The following RBFOX1 variants were observed in gnomAD, a reference collection of about 807,000 sequenced individuals.
RBFOX1 encodes the protein RNA binding protein fox-1 homolog 1.
RBFOX1 carries 8 observed loss-of-function variants against 57.7 expected under a neutral mutation model. That is an observed-to-expected ratio of 0.14 (90% CI 0.08 to 0.25). RBFOX1 has a LOEUF of 0.25. Ranked by LOEUF, RBFOX1 falls within the 10% of genes least tolerant of loss-of-function variation. The pLI is 1.00. For synonymous variants in RBFOX1, 326 were observed against 222.4 expected (o/e 1.47, Z -4.15); for missense variants, 611 against 548.5 (o/e 1.11, Z -1.14).
chr16:6,101,047 C>T (rs1319080243), intron 1 of RBFOX1, among the ~76,000 whole-genome samples: 1 of 152,190 alleles, frequency 6.6e-6, no homozygotes, highest in Admixed American at 6.5e-5. Flanking sequence ...TACCCCAAGT[C>T]CACCACTAGC....
intron 3 of RBFOX1, among the ~76,000 whole-genome samples, chr16:6,834,053 A>T (rs549239955): frequency 9.3e-6 from 1 of 107,332 alleles, no homozygotes; most frequent in Admixed American, 9.7e-5. Flanking sequence ...CTGATCCAAT[A>T]AATATTTTTT....
chr16:6,256,258 T>C (rs2097665527), intron 1 of RBFOX1, among the ~76,000 whole-genome samples: 1 of 114,958 alleles, frequency 8.7e-6, no homozygotes, highest in African/African-American at 4.6e-5. Context: ...TATATATATG[T>C]GTATATATAT....
intron 3 of RBFOX1, among the ~76,000 whole-genome samples, chr16:6,779,947 TTATATATTTATATATTTATA>T (rs2080274952): frequency 3.7e-5 from 1 of 26,752 alleles, no homozygotes; most frequent in Non-Finnish European, 5.8e-5. Context: ...TTATATATAT[TTATATATTTATATATTTATA>T]TATATTTATA....
chr16:7,350,934 A>G (rs1482069768), intron 4 of RBFOX1, among the ~76,000 whole-genome samples: 1 of 152,234 alleles, frequency 6.6e-6, no homozygotes, highest in Non-Finnish European at 1.5e-5. Flanking sequence ...GGTTACATGC[A>G]AACCTGCCTG....
chr16:7,436,935 G>T (rs747104901), intron 4 of RBFOX1, among the ~76,000 whole-genome samples: 19 of 152,126 alleles, frequency 1.2e-4, no homozygotes, highest in Non-Finnish European at 2.2e-4. Flanking sequence ...AATAAAAATA[G>T]CTGGTCATGG....
Position 6,629,099 on chromosome 16 carries a change from T to C in RBFOX1, c.-63-25504T>C, listed in dbSNP as rs184333323. ...TGAACAGTTTAAATGAAAGAGTACA[T>C]ACTTTTGTGTGTGTATATGTGTACC... On this transcript the variant is annotated intron_variant, in intron 2 of 15. Transcript: ENST00000550418. Among the ~76,000 whole-genome samples, 23 of 152,334 alleles carry C rather than the reference T, an allele frequency of 1.5e-4. No homozygotes were observed. The East Asian group carries it at 4.4e-3, about 29-fold the overall frequency.
intron 1 of RBFOX1, among the ~76,000 whole-genome samples, chr16:5,420,505 G>T (rs895583976): frequency 3.3e-4 from 50 of 151,692 alleles, no homozygotes; most frequent in Non-Finnish European, 6.2e-4. Flanking sequence ...TGTTTTTTTT[G>T]TTGTTTGTTT....
chr16:6,414,929 C>A (rs924925601), intron 2 of RBFOX1, among the ~76,000 whole-genome samples: 2 of 151,974 alleles, frequency 1.3e-5, no homozygotes, highest in Admixed American at 6.6e-5. Context: ...AAGAATGAAC[C>A]GGTCCCAATA....
At chr16:6,164,852 T>C (rs2096905484) in intron 1 of RBFOX1, among the ~76,000 whole-genome samples, 1 of 152,204 alleles carries the variant, frequency 6.6e-6, no homozygotes, top group East Asian at 1.9e-4. Flanking sequence ...AAAAGTTTAC[T>C]TCTGCATAAT....
At chr16:7,562,596 G>A (rs1016000504) in intron 5 of RBFOX1, among the ~76,000 whole-genome samples, 4 of 152,176 alleles carry the variant, frequency 2.6e-5, no homozygotes, top group African/African-American at 9.7e-5. Context: ...AGTGGCACCT[G>A]AGCCCCAGCA....
rs76627945 is a variant in RBFOX1, at chr16:7,238,646, C to G, written c.27+186548C>G. ...CATTTCTTTCTCTCTTTTTTTGTAA[C>G]TTTTATTTTATCTTCAGGGGTACAA... On this transcript the variant is annotated intron_variant, in intron 4 of 15. Transcript: ENST00000550418. Among the ~76,000 whole-genome samples the G allele has an allele frequency of 4.8e-3, 730 of 152,148 alleles. 3 individuals carry two copies. The highest frequency in any genetic ancestry group is 0.015 in the African/African-American group (633 of 41,520).
chr16:5,706,414 C>G (rs954411267), intron 3 of RBFOX1, among the ~76,000 whole-genome samples: 1 of 152,192 alleles, frequency 6.6e-6, no homozygotes, highest in African/African-American at 2.4e-5. Context: ...TCTTGTTTAG[C>G]AGGAAACCTG....
intron 3 of RBFOX1, among the ~76,000 whole-genome samples, chr16:6,918,687 C>T (rs1040833035): frequency 8.5e-5 from 13 of 152,100 alleles, no homozygotes; most frequent in African/African-American, 2.7e-4. Context: ...TATCTCTGGT[C>T]GTTTCAGAGA....
At chr16:5,626,655 C>T (rs1410406827) in intron 3 of RBFOX1, among the ~76,000 whole-genome samples, 3 of 152,072 alleles carry the variant, frequency 2.0e-5, no homozygotes, top group East Asian at 1.9e-4. Context: ...AATGTTGACA[C>T]GAGCTCCGAT....
intron 3 of RBFOX1, among the ~76,000 whole-genome samples, chr16:6,970,240 A>G (rs2085235962): frequency 6.6e-6 from 1 of 152,144 alleles, no homozygotes; most frequent in Non-Finnish European, 1.5e-5. Flanking sequence ...AAAACCAAAA[A>G]AAAAGTCTTA....
At chr16:6,550,788 C>T (rs940449965) in intron 2 of RBFOX1, among the ~76,000 whole-genome samples, 1 of 152,218 alleles carries the variant, frequency 6.6e-6, no homozygotes, top group African/African-American at 2.4e-5. Context: ...TCTTGAGAAA[C>T]AGAGTACTGT....
At chr16:6,266,922 T>C (rs564248211) in intron 1 of RBFOX1, among the ~76,000 whole-genome samples, 1 of 152,152 alleles carries the variant, frequency 6.6e-6, no homozygotes, top group Non-Finnish European at 1.5e-5. Flanking sequence ...AATTCCATAC[T>C]CTTAGCAGAG....
chr16:5,630,336 A>C (rs906286351), intron 3 of RBFOX1, among the ~76,000 whole-genome samples: 1 of 152,132 alleles, frequency 6.6e-6, no homozygotes, highest in African/African-American at 2.4e-5. Context: ...ACATGTCTGT[A>C]ATCCCAGCTA....
intron 4 of RBFOX1, among the ~76,000 whole-genome samples, chr16:7,417,617 A>G (rs7206724): frequency 0.064 from 9,746 of 151,866 alleles, 774 homozygotes; most frequent in East Asian, 0.3. Flanking sequence ...ACCATAGCCA[A>G]CATACATCAT....
Sources: allele counts gnomAD v4.1 joint callset (sites outside exome capture counted in the v4.1 genomes callset), GRCh38; gene constraint gnomAD v4.1.1; transcripts MANE v1.5; gene names NCBI Gene and HGNC (gene_info 2026-07-23, HGNC 2026-07-21).